The following CEP95 variants were observed in gnomAD, a reference collection of about 807,000 sequenced individuals.
CEP95 encodes centrosomal protein of 95 kDa.
Under a neutral mutation model 111.2 loss-of-function variants are expected in CEP95, and 98 were observed. The ratio of observed to expected loss-of-function variants is 0.88; its 90% CI spans 0.75 to 1.04. The LOEUF (loss-of-function observed/expected upper bound fraction) is 1.04, where lower values mean the gene tolerates loss of function less well. Ranked by LOEUF, CEP95 falls within the 50% of genes least tolerant of loss-of-function variation. The pLI, the probability that CEP95 is intolerant of heterozygous loss-of-function variation, is 0.00. For missense variants in CEP95, 1,027 were observed against 977.2 expected (o/e 1.05, Z -0.68); for synonymous variants, 323 against 327.1 (o/e 0.99, Z 0.14).
chr17:64,511,200 A>G (rs2038873447), intron 3 of CEP95, among the ~76,000 whole-genome samples: 1 of 152,202 alleles, frequency 6.6e-6, no homozygotes, highest in South Asian at 2.1e-4. Context: ...TTTGGGCACC[A>G]TTGTCATTGA....
At chr17:64,534,389 T>G in intron 16 of CEP95, 196 bp from the exon 17 acceptor site, 1 of 535,010 alleles carries the variant, frequency 1.9e-6, no homozygotes. Context: ...TCTGCTGCAG[T>G]GGGGTGTTAT....
At position 64,516,745 on chromosome 17, in the gene CEP95, A is replaced by G. The variant is rs782279152; in HGVS notation, c.390A>G (p.Lys130=). The G allele has an allele frequency of 6.2e-7, 1 of 1,610,344 alleles. No homozygotes were observed. The highest frequency in any genetic ancestry group is 2.2e-5 in the East Asian group (1 of 44,830). Residue 130 remains lysine, a synonymous_variant, in exon 5 of 20, where the codon AAA becomes AAG. Coordinates refer to ENST00000556440, the MANE Select transcript of CEP95 (RefSeq NM_138363.3). The stretch of plus-strand genomic sequence containing the variant: ...CAGGTGAAACTGAACAGTATTTTAA[A>G]GAATCTGATCGAGGAGAACGTTTGG... ...HEKSETEQYF[K]ESDRGERLEE... is the part of the protein sequence containing the mutation.
upstream of CEP95, chr17:64,506,798 G>A (rs1598161842): frequency 5.4e-6 from 3 of 550,568 alleles, no homozygotes; most frequent in East Asian, 9.4e-5. Flanking sequence ...CGGGCTGCCG[G>A]CTGATGTGGA....
chr17:64,527,028 G>A lies in CEP95; in HGVS notation c.1153-83G>A, dbSNP rs1476597246. On this transcript the variant is annotated intron_variant, in intron 10 of 19. Transcript: ENST00000556440. ...TTGTTATTAGTGACTGTCAAAGGAA[G>A]CTTTTTTAAAGGTCTGCCTACTCCT... 21 of 1,071,036 alleles carry A rather than the reference G, an allele frequency of 2.0e-5. No homozygotes were observed. In the East Asian group the frequency reaches 4.6e-4, roughly 23 times the overall value. The allele number at this position is 1,071,036 out of a possible 1,614,324, so 66.3% of individuals were successfully genotyped here. A position where few individuals can be genotyped will look rare whatever the true frequency, so the allele number is the denominator to read the frequency against.
At chr17:64,519,714 C>T (rs1344380104) in intron 6 of CEP95, among the ~76,000 whole-genome samples, 1 of 152,198 alleles carries the variant, frequency 6.6e-6, no homozygotes, top group African/African-American at 2.4e-5. Flanking sequence ...AGCTTATAGT[C>T]TGGTCACGCT....
chr17:64,507,792 C>G (rs1598166294), intron 1 of CEP95: 1 of 985,412 alleles, frequency 1.0e-6, no homozygotes, highest in East Asian at 1.1e-4. Flanking sequence ...GTGTCCAGAA[C>G]ATAGTGGAGA....
At chr17:64,534,549 C>CT in intron 16 of CEP95, 36 bp from the exon 17 acceptor site, 1 of 1,589,148 alleles carries the variant, frequency 6.3e-7, no homozygotes, top group South Asian at 1.1e-5. Flanking sequence ...TCCTCTTGTC[C>CT]TTACCCTTCT....
intron 7 of CEP95, among the ~76,000 whole-genome samples, chr17:64,522,492 TAA>T (rs544103500): frequency 6.8e-6 from 1 of 146,804 alleles, no homozygotes; most frequent in Non-Finnish European, 1.5e-5. Flanking sequence ...TTTTAAAAAT[TAA>T]AAAAAAAAAA....
intron 3 of CEP95, among the ~76,000 whole-genome samples, chr17:64,512,053 G>A (rs986808712): frequency 2.0e-5 from 3 of 152,224 alleles, no homozygotes; most frequent in Admixed American, 6.5e-5. Context: ...GCTGCATACA[G>A]TGGACTGCTC....
intron 1 of CEP95, chr17:64,507,575 T>C (rs981948348): frequency 1.5e-4 from 149 of 1,026,776 alleles, no homozygotes; most frequent in Non-Finnish European, 1.7e-4. Flanking sequence ...TTGTGCTTTT[T>C]TCTCTTCAGT....
intron 1 of CEP95, chr17:64,507,631 G>T: frequency 1.0e-6 from 1 of 988,512 alleles, no homozygotes; most frequent in Non-Finnish European, 1.2e-6. Flanking sequence ...TTTGAAGAGC[G>T]AATTAATTTG....
At chr17:64,520,266 G>T (rs1461742280) in intron 6 of CEP95, among the ~76,000 whole-genome samples, 1 of 152,122 alleles carries the variant, frequency 6.6e-6, no homozygotes, top group Admixed American at 6.6e-5. Context: ...GTAGAGAGGG[G>T]AATTGTGTTT....
intron 11 of CEP95, among the ~76,000 whole-genome samples, chr17:64,527,953 C>T (rs1555679520): frequency 6.6e-6 from 1 of 150,456 alleles, no homozygotes; most frequent in African/African-American, 2.4e-5. Context: ...ATGTTGTTTC[C>T]AGTTTTCATT....
chr17:64,507,038 T>TCCAGGACA lies in CEP95; in HGVS notation c.-57_-50dup. The TCCAGGACA allele has an allele frequency of 1.3e-6, 2 of 1,548,370 alleles. No homozygotes were observed. Among genetic ancestry groups the TCCAGGACA allele is most frequent in the Admixed American group, 3.9e-5 (2 of 51,008 alleles). On this transcript the variant is annotated 5_prime_UTR_variant, in exon 1 of 20. Coordinates refer to ENST00000556440, the MANE Select transcript of CEP95 (RefSeq NM_138363.3). The stretch of plus-strand genomic sequence containing the variant: ...TGTCGGGTCTGCGTGGATCGGTCCT[T>TCCAGGACA]CCAGGACACCGTCGCCTTCCCGGCC...
chr17:64,514,165 C>T, intron 3 of CEP95, 83 bp from the exon 4 acceptor site: 1 of 575,292 alleles, frequency 1.7e-6, no homozygotes, highest in South Asian at 2.6e-5. Flanking sequence ...AGCATTTTCA[C>T]AATGTTATAT....
At chr17:64,513,602 A>T (rs2038996916) in intron 3 of CEP95, among the ~76,000 whole-genome samples, 1 of 152,164 alleles carries the variant, frequency 6.6e-6, no homozygotes, top group African/African-American at 2.4e-5. Context: ...AGTGAGATTT[A>T]AAAAGGTTTT....
Position 64,533,154 on chromosome 17 carries a change from C to G in CEP95, c.1880C>G (p.Thr627Ser), listed in dbSNP as rs1555680781. The change falls in exon 16 of 20, where the codon ACC becomes AGC. Residue 627 changes from threonine to serine, a missense_variant. Physicochemically the swap from Thr to Ser is moderately conservative, Grantham distance 58. Coordinates refer to ENST00000556440, the MANE Select transcript of CEP95 (RefSeq NM_138363.3). ...EALRRHDLLT[T>S]LVKKEYEHNK... ...CTAAGAAGGCATGACCTCCTTACTA[C>G]CCTTGTCAAGAAAGAATATGAACAT... The G allele has an allele frequency of 6.3e-7, 1 of 1,593,268 alleles. No individual in the cohort carries two copies. The highest frequency in any genetic ancestry group is 1.9e-5 in the Admixed American group (1 of 51,882).
At chr17:64,507,205 T>C (rs2038593699) in intron 1 of CEP95, 89 bp downstream of exon 1, 1 of 1,535,048 alleles carries the variant, frequency 6.5e-7, no homozygotes, top group East Asian at 2.5e-5. Flanking sequence ...GGGTCTGGGC[T>C]GTCGGCGGGG....
chr17:64,536,413 C>T (rs572582760), intron 17 of CEP95, 189 bp from the exon 18 acceptor site: 2 of 409,426 alleles, frequency 4.9e-6, no homozygotes, highest in East Asian at 4.4e-5. Context: ...TGCCCCACTA[C>T]ACTCCAGCCT....
Sources: allele counts gnomAD v4.1 joint callset (sites outside exome capture counted in the v4.1 genomes callset), GRCh38; gene constraint gnomAD v4.1.1; transcripts MANE v1.5; gene names NCBI Gene and HGNC (gene_info 2026-07-23, HGNC 2026-07-21).